ZBTB25: variants seen among roughly 807,000 people sequenced by gnomAD.
ZBTB25 encodes zinc finger and BTB domain-containing protein 25.
ZBTB25 carries 20 observed loss-of-function variants against 34.2 expected under a neutral mutation model. The observed-to-expected ratio is 0.58, with a 90% CI of 0.41 to 0.85. ZBTB25 has a LOEUF of 0.85. ZBTB25 is among the 40% of genes least tolerant of loss of function. The probability of loss-of-function intolerance (pLI) is 0.00; values close to 1 mark genes in which losing one functional copy is unlikely to be tolerated. For synonymous variants in ZBTB25, 175 were observed against 186.4 expected, an observed-to-expected ratio of 0.94 and a Z score of 0.50; for missense variants, 437 against 521.8, an observed-to-expected ratio of 0.84 and a Z score of 1.58.
chr14:64,485,895 T>G lies in ZBTB25; in HGVS notation c.*1028A>C, dbSNP rs1455966348. 9.1e-6 allele frequency: 9 copies of G among 985,338 alleles called. No homozygotes were observed. Among genetic ancestry groups the G allele is most frequent in the Non-Finnish European group, 9.6e-6 (8 of 829,942 alleles). The allele number at this position is 985,338 out of a possible 1,614,324, so 61.0% of individuals were successfully genotyped here. Reference sequence around the variant, plus strand: ...AAGTTAACAACCCTGGGGTTTTTAGTCAATGCAGTTCTAGCTCAGTCTCTG... The same window carrying G: ...AAGTTAACAACCCTGGGGTTTTTAGGCAATGCAGTTCTAGCTCAGTCTCTG... On this transcript the variant is annotated 3_prime_UTR_variant, in exon 3 of 3. Transcript: ENST00000608382.
chr14:64,457,814 G>A (rs1238035904), intron 2 of ZBTB25, among the ~76,000 whole-genome samples: 1 of 152,128 alleles, frequency 6.6e-6, no homozygotes, highest in Non-Finnish European at 1.5e-5. Context: ...TATGTAACAA[G>A]AGTACCCACT....
Position 64,460,011 on chromosome 14 carries a change from G to A in ZBTB25, c.174-10373C>T, listed in dbSNP as rs569267675. 2.1e-4 allele frequency: 263 copies of A among 1,247,224 alleles called. 1 individual carries two copies. The highest frequency in any genetic ancestry group is 2.8e-4 in the Admixed American group (13 of 46,078). 77.3% of individuals were successfully genotyped at this position (1,247,224 alleles called of 1,614,324 possible). A position where few individuals can be genotyped will look rare whatever the true frequency, so the allele number is the denominator to read the frequency against. ...AAAAGGAAACAAGTTTGCCATCTTG[G>A]TGTTGCAATATGAATTACAGCCTTA... On this transcript the variant is annotated intron_variant, in intron 2 of 2. Transcript: ENST00000555220.
intron 1 of ZBTB25, among the ~76,000 whole-genome samples, chr14:64,495,258 A>T (rs746327092): frequency 2.0e-5 from 3 of 152,094 alleles, no homozygotes; most frequent in Non-Finnish European, 4.4e-5. Context: ...CTGGACTTAA[A>T]CTCCAAGTTC....
intron 2 of ZBTB25, chr14:64,457,960 G>A: frequency 5.2e-6 from 3 of 573,454 alleles, no homozygotes; most frequent in East Asian, 5.8e-5. Context: ...GGATGATCAT[G>A]GCTCACTGTG....
Position 64,486,749 on chromosome 14 carries a change from G to A in ZBTB25, c.*174C>T. The A allele has an allele frequency of 7.9e-7, 1 of 1,266,096 alleles. No individual in the cohort carries two copies. Among genetic ancestry groups the A allele is most frequent in the Non-Finnish European group, 1.0e-6 (1 of 1,002,534 alleles). 78.4% of individuals were successfully genotyped at this position (1,266,096 alleles called of 1,614,324 possible). A position where few individuals can be genotyped will look rare whatever the true frequency, so the allele number is the denominator to read the frequency against. ...AGTAATTGAATGTTACATTTTAATA[G>A]CCACATATTAATATGTCTTATGAGA... On this transcript the variant is annotated 3_prime_UTR_variant, in exon 3 of 3. Coordinates refer to ENST00000608382, the MANE Select transcript of ZBTB25 (RefSeq NM_006977.5).
downstream of ZBTB25, among the ~76,000 whole-genome samples, chr14:64,477,516 ATGAGAAGTGGT>A (rs1439045563): frequency 3.3e-5 from 5 of 152,250 alleles, no homozygotes; most frequent in Admixed American, 6.5e-5. Context: ...ATGTTGGGAA[ATGAGAAGTGGT>A]TAGCTAGGAA....
At chr14:64,469,475 C>T in intron 2 of ZBTB25, 1 of 1,613,164 alleles carries the variant, frequency 6.2e-7, no homozygotes, top group South Asian at 1.1e-5. Context: ...TGTCCCTAAG[C>T]AATTCTTAAT....
At chr14:64,497,820 C>G (rs548560026) in intron 1 of ZBTB25, among the ~76,000 whole-genome samples, 1 of 152,308 alleles carries the variant, frequency 6.6e-6, no homozygotes, top group South Asian at 2.1e-4. Flanking sequence ...CTGGACTACA[C>G]AGCTCTTCAT....
At chr14:64,466,518 AAC>A (rs1596586075) in intron 2 of ZBTB25, among the ~76,000 whole-genome samples, 1 of 152,344 alleles carries the variant, frequency 6.6e-6, no homozygotes, top group East Asian at 1.9e-4. Context: ...AGAAGATTTA[AAC>A]AGTTATCAGC....
Position 64,487,850 on chromosome 14 carries a change from A to G in ZBTB25, c.381T>C (p.Asn127=). Residue 127 remains asparagine (N), a synonymous_variant, in exon 3 of 3, where the codon AAT becomes AAC. Coordinates refer to ENST00000608382, the MANE Select transcript of ZBTB25 (RefSeq NM_006977.5). ...TTGTTGAGATCTGAATGCCATATAA[A>G]TTTGAGGACTGCACAGTCTCTGGTG... ...VFSPETVQSS[N]LYGIQISTTQ... is the part of the protein sequence containing the mutation. 1 of 1,614,120 alleles carries G rather than the reference A, an allele frequency of 6.2e-7. No homozygotes were observed. Among genetic ancestry groups the G allele is most frequent in the South Asian group, 1.1e-5 (1 of 91,072 alleles).
At chr14:64,451,083 C>T (rs760393203) in intron 2 of ZBTB25, among the ~76,000 whole-genome samples, 13 of 152,046 alleles carry the variant, frequency 8.6e-5, no homozygotes, top group Non-Finnish European at 1.8e-4. Context: ...GCAGGAGAAT[C>T]GCTTGAACCC....
chr14:64,488,070 A>G lies in ZBTB25; in HGVS notation c.174-13T>C. The stretch of plus-strand genomic sequence containing the variant: ...TTTTATGCATTCACTGTTAAAAACA[A>G]AAACAGACCCACAAGAAATGAAACA... On this transcript the variant is annotated splice_polypyrimidine_tract_variant and intron_variant, in intron 2 of 2. Transcript: ENST00000608382. 1 of 1,604,830 alleles carries G rather than the reference A, an allele frequency of 6.2e-7. No individual in the cohort carries two copies. The highest frequency in any genetic ancestry group is 8.5e-7 in the Non-Finnish European group (1 of 1,174,160).
Position 64,480,450 on chromosome 14 carries a change from CA to C in ZBTB25, c.*6472del, listed in dbSNP as rs374930847. The C allele has an allele frequency of 4.2e-4, 146 of 347,768 alleles. 2 individuals carry two copies. Among genetic ancestry groups the C allele is most frequent in the South Asian group, 2.8e-3 (121 of 43,912 alleles). The allele number at this position is 347,768 out of a possible 1,614,324, so 21.5% of individuals were successfully genotyped here. The stretch of plus-strand genomic sequence containing the variant: ...GATTAGGACGTCAATTTTCGATTAA[CA>C]CAGATTATGGTCGGTAAGAATTAGG... On this transcript the variant is annotated 3_prime_UTR_variant, in exon 3 of 3. Transcript: ENST00000608382.
chr14:64,492,896 G>C lies in ZBTB25; in HGVS notation c.-7-2356C>G, dbSNP rs117526272. Among the ~76,000 whole-genome samples the C allele has an allele frequency of 5.6e-4, 85 of 152,190 alleles. 2 individuals are homozygous for C. In the East Asian group the frequency reaches 0.016, roughly 29 times the overall value. On this transcript the variant is annotated intron_variant, in intron 1 of 2. Coordinates refer to ENST00000608382, the MANE Select transcript of ZBTB25 (RefSeq NM_006977.5). ...CTCAAGATTACAGGCTCACAGGAAAGATAAAACATCAAACCATAATTATAA... is the reference window on the plus strand; with the variant it reads ...CTCAAGATTACAGGCTCACAGGAAACATAAAACATCAAACCATAATTATAA...
At chr14:64,462,846 G>A (rs1253780065) in intron 2 of ZBTB25, 2 of 152,104 alleles carry the variant, frequency 1.3e-5, no homozygotes, top group Non-Finnish European at 2.9e-5. Context: ...GGGGTTGGAG[G>A]GCTTATTCCC....
intron 1 of ZBTB25, among the ~76,000 whole-genome samples, chr14:64,494,653 A>T (rs1391764199): frequency 2.0e-5 from 3 of 152,172 alleles, no homozygotes; most frequent in African/African-American, 7.2e-5. Context: ...AAATAAAAAT[A>T]AAGAAACCAG....
At chr14:64,473,858 C>G (rs1182257094), downstream of ZBTB25, 3 of 166,822 alleles carry the variant, frequency 1.8e-5, no homozygotes. Context: ...CATGAACTCT[C>G]TTATACATAA....
downstream of ZBTB25, among the ~76,000 whole-genome samples, chr14:64,475,719 G>C (rs1282341827): frequency 2.0e-5 from 3 of 152,156 alleles, no homozygotes; most frequent in Non-Finnish European, 4.4e-5. Context: ...GCAAAACTGG[G>C]TGTGGGCACA....
intron 2 of ZBTB25, chr14:64,472,662 C>T (rs2078685889): frequency 6.0e-6 from 1 of 166,928 alleles, no homozygotes; most frequent in Non-Finnish European, 1.5e-5. Context: ...TAACTGGTCT[C>T]AATCTGATTA....
Sources: gnomAD v4.1 joint callset for allele counts (sites outside exome capture counted in the v4.1 genomes callset) on GRCh38, gnomAD v4.1.1 for gene constraint, MANE v1.5 for transcripts, NCBI Gene and HGNC (gene_info 2026-07-23, HGNC 2026-07-21) for gene names.